Variants in GAPVD1 observed in about 807,000 individuals in gnomAD.
GAPVD1 encodes the protein GTPase-activating protein and VPS9 domain-containing protein 1.
GAPVD1 carries 35 observed loss-of-function variants against 155.5 expected under a neutral mutation model. That is an observed-to-expected ratio of 0.23 (90% CI 0.17 to 0.30). The LOEUF (loss-of-function observed/expected upper bound fraction) is 0.30, where lower values mean the gene tolerates loss of function less well. GAPVD1 is among the 10% of genes least tolerant of loss of function. The probability of loss-of-function intolerance (pLI) is 1.00; values close to 1 mark genes in which losing one functional copy is unlikely to be tolerated. For synonymous variants in GAPVD1, 636 were observed against 619.7 expected, an observed-to-expected ratio of 1.03 and a Z score of -0.39; for missense variants, 1,429 against 1,775.7, an observed-to-expected ratio of 0.80 and a Z score of 3.51.
At chr9:125,313,109 C>G (rs1009458773) in intron 9 of GAPVD1, among the ~76,000 whole-genome samples, 1 of 151,844 alleles carries the variant, frequency 6.6e-6, no homozygotes, top group South Asian at 2.1e-4. Flanking sequence ...TGTGAGCCAC[C>G]GCGCCTGGCT....
chr9:125,350,455 A>G (rs553692374), intron 22 of GAPVD1, 51 bp downstream of exon 22: 12 of 1,155,692 alleles, frequency 1.0e-5, no homozygotes, highest in Admixed American at 1.8e-5. Flanking sequence ...GGGTTGCACC[A>G]TATGAAATTG....
chr9:125,324,408 T>C (rs1844835220), intron 11 of GAPVD1, among the ~76,000 whole-genome samples: 1 of 151,970 alleles, frequency 6.6e-6, no homozygotes, highest in Non-Finnish European at 1.5e-5. Context: ...CTGACCAACA[T>C]GGAGAAAGCC....
chr9:125,281,745 G>T (rs1467711403), intron 2 of GAPVD1, among the ~76,000 whole-genome samples: 1 of 151,456 alleles, frequency 6.6e-6, no homozygotes, highest in Non-Finnish European at 1.5e-5. Context: ...TAATTAGATT[G>T]TCTTGAATTA....
chr9:125,309,860 G>A (rs556022159), intron 8 of GAPVD1: 21 of 366,986 alleles, frequency 5.7e-5, no homozygotes, highest in South Asian at 1.7e-4. Flanking sequence ...CATTTATTTC[G>A]TATCTTAACA....
chr9:125,280,396 C>CAAAAAAAAAA (rs750354567), intron 2 of GAPVD1, among the ~76,000 whole-genome samples: 21 of 57,306 alleles, frequency 3.7e-4, no homozygotes, highest in Non-Finnish European at 4.7e-4. Flanking sequence ...AAGTCCATCT[C>CAAAAAAAAAA]AAAAAAAAAA....
At chr9:125,332,134 A>T in intron 14 of GAPVD1, 74 bp downstream of exon 14, 1 of 1,325,580 alleles carries the variant, frequency 7.5e-7, no homozygotes, top group Non-Finnish European at 1.1e-6. Flanking sequence ...TATAAAGTTG[A>T]TACAAAAAGA....
intron 12 of GAPVD1, among the ~76,000 whole-genome samples, chr9:125,328,682 T>C (rs1321327130): frequency 1.3e-5 from 2 of 151,296 alleles, no homozygotes; most frequent in African/African-American, 2.4e-5. Context: ...AAGCCGCCAT[T>C]GTCATCCTGG....
chr9:125,314,183 A>T (rs1843051185), intron 9 of GAPVD1, among the ~76,000 whole-genome samples: 1 of 152,200 alleles, frequency 6.6e-6, no homozygotes, highest in Non-Finnish European at 1.5e-5. Flanking sequence ...GTATTCCTGC[A>T]TTATAGAGCC....
chr9:125,297,197 T>G (rs188665440), intron 3 of GAPVD1, among the ~76,000 whole-genome samples: 1 of 152,326 alleles, frequency 6.6e-6, no homozygotes, highest in East Asian at 1.9e-4. Flanking sequence ...CTTTGGCAAA[T>G]ATTTATTCAA....
chr9:125,286,951 G>A (rs977277952), intron 2 of GAPVD1, among the ~76,000 whole-genome samples: 2 of 152,062 alleles, frequency 1.3e-5, no homozygotes, highest in Non-Finnish European at 2.9e-5. Context: ...GGACGTGGTC[G>A]GGGGTGCCTG....
At chr9:125,309,925 C>A (rs745475900) in intron 8 of GAPVD1, 134 of 462,784 alleles carry the variant, frequency 2.9e-4, no homozygotes, top group Middle Eastern at 3.3e-4. Context: ...CTTTTGCAAC[C>A]CAGGACAACA....
chr9:125,298,025 CGTGAGCCACCGCGCCCGGCT>C (rs1282055173), intron 3 of GAPVD1, among the ~76,000 whole-genome samples: 1 of 152,066 alleles, frequency 6.6e-6, no homozygotes, highest in Non-Finnish European at 1.5e-5. Context: ...GGATTACATG[CGTGAGCCACCGCGCCCGGCT>C]GTGATCTGAC....
intron 15 of GAPVD1, among the ~76,000 whole-genome samples, chr9:125,334,465 T>G (rs1312369691): frequency 6.6e-6 from 1 of 152,222 alleles, no homozygotes; most frequent in Non-Finnish European, 1.5e-5. Context: ...ATGGATTATT[T>G]GAGTTGTTAG....
chr9:125,297,308 G>T (rs1840040892), intron 3 of GAPVD1, among the ~76,000 whole-genome samples: 1 of 152,190 alleles, frequency 6.6e-6, no homozygotes. Context: ...CTTCTAGTGG[G>T]GAAGCCTCAC....
At chr9:125,273,631 A>G (rs1399594369) in intron 2 of GAPVD1, among the ~76,000 whole-genome samples, 1 of 152,038 alleles carries the variant, frequency 6.6e-6, no homozygotes, top group Non-Finnish European at 1.5e-5. Flanking sequence ...CAACATGGGC[A>G]GTTTTTGTTA....
intron 2 of GAPVD1, among the ~76,000 whole-genome samples, chr9:125,282,425 C>T (rs538720084): frequency 2.0e-5 from 3 of 152,332 alleles, no homozygotes; most frequent in South Asian, 4.1e-4. Context: ...GCATGAGCCA[C>T]CACTCCTGGC....
chr9:125,331,850 A>G, intron 13 of GAPVD1, 76 bp from the exon 14 acceptor site: 1 of 1,381,480 alleles, frequency 7.2e-7, no homozygotes, highest in Non-Finnish European at 1.0e-6. Flanking sequence ...AGCTTTGTTT[A>G]TCTGGGTCAC....
Position 125,360,387 on chromosome 9 carries a change from A to G in GAPVD1, c.4045-141A>G, listed in dbSNP as rs1015020536. The G allele has an allele frequency of 2.1e-5, 13 of 608,806 alleles. 1 individual carries two copies. Among genetic ancestry groups the G allele is most frequent in the Middle Eastern group, 5.9e-4 (2 of 3,406 alleles). 37.7% of individuals were successfully genotyped at this position (608,806 alleles called of 1,614,324 possible). A position where few individuals can be genotyped will look rare whatever the true frequency, so the allele number is the denominator to read the frequency against. On this transcript the variant is annotated intron_variant, in intron 26 of 27. Transcript: ENST00000297933. ...AGTTACAATCTTTAGTGAAGGGGAA[A>G]GGGGCCTGCAATATGGTTTTACCAA... is the stretch of plus-strand genomic sequence containing the variant.
At chr9:125,325,185 A>T (rs2131603987) in intron 11 of GAPVD1, among the ~76,000 whole-genome samples, 1 of 151,534 alleles carries the variant, frequency 6.6e-6, no homozygotes, top group East Asian at 1.9e-4. Flanking sequence ...AGATCGCACC[A>T]CTGCACTCTA....
Sources: allele counts gnomAD v4.1 joint callset (sites outside exome capture counted in the v4.1 genomes callset), GRCh38; gene constraint gnomAD v4.1.1; transcripts MANE v1.5; gene names NCBI Gene and HGNC (gene_info 2026-07-23, HGNC 2026-07-21).